Variants in FGF12 observed in about 807,000 individuals in gnomAD.
FGF12 encodes fibroblast growth factor 12B.
A neutral mutation model predicts 23.6 loss-of-function variants in FGF12; 14 were observed. The observed-to-expected ratio is 0.59, with a 90% CI of 0.39 to 0.93. FGF12 has a LOEUF of 0.93. Among genes scored for constraint, FGF12 ranks in the 40% least tolerant of loss-of-function variants. FGF12 has a pLI of 0.00. For synonymous variants in FGF12, 62 were observed against 77.3 expected, an observed-to-expected ratio of 0.80 and a Z score of 1.04; for missense variants, 175 against 217.8, an observed-to-expected ratio of 0.80 and a Z score of 1.24.
intron 4 of FGF12, among the ~76,000 whole-genome samples, chr3:192,210,710 C>T (rs1197413584): frequency 6.7e-6 from 1 of 150,184 alleles, no homozygotes; most frequent in Non-Finnish European, 1.5e-5. Context: ...AAAGTCTTTA[C>T]CATCGCGGAG....
At chr3:192,467,815 T>C (rs939256894) in intron 2 of FGF12, among the ~76,000 whole-genome samples, 1 of 152,216 alleles carries the variant, frequency 6.6e-6, no homozygotes, top group African/African-American at 2.4e-5. Flanking sequence ...CAGGTCAATG[T>C]CCTACACTTA....
chr3:192,420,143 T>A (rs1053557596), intron 2 of FGF12, among the ~76,000 whole-genome samples: 3 of 152,012 alleles, frequency 2.0e-5, no homozygotes, highest in Non-Finnish European at 4.4e-5. Context: ...GTAAGGCACC[T>A]CAAAATAACC....
intron 2 of FGF12, among the ~76,000 whole-genome samples, chr3:192,713,973 C>G (rs1718778997): frequency 6.6e-6 from 1 of 152,262 alleles, no homozygotes; most frequent in Non-Finnish European, 1.5e-5. Context: ...AACAATTAAG[C>G]AAACTCGAAT....
chr3:192,477,558 T>C (rs553153918), intron 2 of FGF12, among the ~76,000 whole-genome samples: 1 of 152,332 alleles, frequency 6.6e-6, no homozygotes, highest in Non-Finnish European at 1.5e-5. Flanking sequence ...TGTATAACTA[T>C]ATTTATTTTT....
At chr3:192,588,789 A>G (rs999389339) in intron 2 of FGF12, among the ~76,000 whole-genome samples, 2 of 152,062 alleles carry the variant, frequency 1.3e-5, no homozygotes, top group Admixed American at 6.5e-5. Context: ...ACTTTCCACT[A>G]CATTAAAGCA....
intron 2 of FGF12, among the ~76,000 whole-genome samples, chr3:192,539,966 T>C (rs1725324565): frequency 6.6e-6 from 1 of 152,076 alleles, no homozygotes; most frequent in Non-Finnish European, 1.5e-5. Context: ...CTAATGATCC[T>C]TTGGATTTCT....
chr3:192,439,066 T>A (rs1263849343), intron 2 of FGF12, among the ~76,000 whole-genome samples: 1 of 152,198 alleles, frequency 6.6e-6, no homozygotes, highest in Admixed American at 6.5e-5. Flanking sequence ...ATCACCAACA[T>A]GAGATCGACT....
rs537446044 is a variant in FGF12, at chr3:192,519,933, T to A, written c.14-159395A>T. 2.0e-5 allele frequency among the ~76,000 whole-genome samples: 3 copies of A among 152,328 alleles called. No individual in the cohort carries two copies. The East Asian group carries it at 5.8e-4, about 29-fold the overall frequency. Reference sequence around the variant, plus strand: ...GTGTCCTTTTGACATACCCCAATTGTTTTTTAGCAGTTCCTTAATTGTTTG... The same window carrying A: ...GTGTCCTTTTGACATACCCCAATTGATTTTTAGCAGTTCCTTAATTGTTTG... On this transcript the variant is annotated intron_variant, in intron 2 of 5. Transcript: ENST00000445105.
intron 2 of FGF12, among the ~76,000 whole-genome samples, chr3:192,633,671 AGCCCCC>A (rs1377991128): frequency 6.6e-6 from 1 of 152,142 alleles, no homozygotes; most frequent in Non-Finnish European, 1.5e-5. Context: ...ACCCTGCAAA[AGCCCCC>A]GCTTCATTCA....
intron 2 of FGF12, among the ~76,000 whole-genome samples, chr3:192,470,183 AT>A (rs112970490): frequency 2.1e-4 from 32 of 152,244 alleles, no homozygotes; most frequent in African/African-American, 6.7e-4. Flanking sequence ...CTTAAAAACA[AT>A]TTTTTTACTC....
At chr3:192,571,102 T>C (rs1402955850) in intron 2 of FGF12, among the ~76,000 whole-genome samples, 2 of 152,184 alleles carry the variant, frequency 1.3e-5, no homozygotes, top group Non-Finnish European at 2.9e-5. Context: ...CAAACCTTAT[T>C]AGCCACACAT....
At chr3:192,651,978 G>T (rs1716228682) in intron 2 of FGF12, among the ~76,000 whole-genome samples, 1 of 152,170 alleles carries the variant, frequency 6.6e-6, no homozygotes, top group Non-Finnish European at 1.5e-5. Context: ...ATGTGGCTAA[G>T]TGAGAAGAGA....
chr3:192,504,077 C>T (rs1020486739), intron 2 of FGF12, among the ~76,000 whole-genome samples: 8 of 151,910 alleles, frequency 5.3e-5, no homozygotes, highest in Admixed American at 1.3e-4. Context: ...CCTAAGCGAA[C>T]TAACACAGGA....
intron 4 of FGF12, among the ~76,000 whole-genome samples, chr3:192,222,057 A>G (rs59584006): frequency 0.071 from 10,850 of 152,224 alleles, 410 homozygotes; most frequent in South Asian, 0.083. Context: ...CAGGTGTGAC[A>G]TGTATTCAGA....
At chr3:192,623,496 G>A (rs1403446488) in intron 2 of FGF12, among the ~76,000 whole-genome samples, 1 of 152,134 alleles carries the variant, frequency 6.6e-6, no homozygotes, top group Non-Finnish European at 1.5e-5. Context: ...CCTAAAAATT[G>A]CGATTGCTCT....
At chr3:192,568,058 C>T (rs973274621) in intron 2 of FGF12, among the ~76,000 whole-genome samples, 1 of 151,880 alleles carries the variant, frequency 6.6e-6, no homozygotes, top group Non-Finnish European at 1.5e-5. Flanking sequence ...GTCTTGAACT[C>T]CTGACCTCAG....
At chr3:192,329,701 GT>G (rs1362957876) in intron 4 of FGF12, among the ~76,000 whole-genome samples, 20 of 152,096 alleles carry the variant, frequency 1.3e-4, no homozygotes, top group African/African-American at 4.8e-4. Flanking sequence ...GGTCTTACAA[GT>G]TTTGTCAAAA....
chr3:192,724,200 G>T (rs1265719625), intron 2 of FGF12, among the ~76,000 whole-genome samples: 2 of 152,090 alleles, frequency 1.3e-5, no homozygotes, highest in Admixed American at 6.5e-5. Flanking sequence ...CATACAAATT[G>T]CCTAGGTACT....
intron 2 of FGF12, among the ~76,000 whole-genome samples, chr3:192,384,611 T>G (rs1231712302): frequency 6.6e-6 from 1 of 152,236 alleles, no homozygotes; most frequent in Non-Finnish European, 1.5e-5. Context: ...CTCAAGATTT[T>G]TAATACATAT....
Sources: gnomAD v4.1 joint callset for allele counts (sites outside exome capture counted in the v4.1 genomes callset) on GRCh38, gnomAD v4.1.1 for gene constraint, MANE v1.5 for transcripts, NCBI Gene and HGNC (gene_info 2026-07-23, HGNC 2026-07-21) for gene names.